MAF: variants seen among roughly 807,000 people sequenced by gnomAD.
MAF encodes transcription factor Maf.
MAF carries 10 observed loss-of-function variants against 22.0 expected under a neutral mutation model. That is an observed-to-expected ratio of 0.45 (90% CI 0.28 to 0.77). The LOEUF (loss-of-function observed/expected upper bound fraction) is 0.77. Among genes scored for constraint, MAF ranks in the 30% least tolerant of loss-of-function variants. MAF has a pLI of 0.12. For missense variants in MAF, 544 were observed against 548.4 expected (o/e 0.99, Z 0.08); for synonymous variants, 337 against 255.8 (o/e 1.32, Z -3.03).
At chr16:79,519,453 G>T in the MAF span, among the ~76,000 whole-genome samples, 16 of 152,160 alleles carry the variant, frequency 1.1e-4, no homozygotes, top group Admixed American at 1.0e-3. Flanking sequence ...CCCAGAACAC[G>T]TTTCCAGGGA....
At chr16:79,208,820 G>A in the MAF span, among the ~76,000 whole-genome samples, 935 of 152,296 alleles carry the variant, frequency 6.1e-3, 4 homozygotes, top group Non-Finnish European at 9.1e-3. Context: ...GTCACTCAGA[G>A]GTTGCCATTG....
chr16:79,483,359 G>A, the MAF span, among the ~76,000 whole-genome samples: 2 of 147,440 alleles, frequency 1.4e-5, no homozygotes, highest in Admixed American at 6.8e-5. Flanking sequence ...GCAGAGAAGG[G>A]ACAGGACAGA....
chr16:79,253,827 T>C, the MAF span, among the ~76,000 whole-genome samples: 1 of 152,154 alleles, frequency 6.6e-6, no homozygotes, highest in South Asian at 2.1e-4. Flanking sequence ...TTAGTTATTT[T>C]GGATTTCTTT....
At chr16:79,524,945 G>C in the MAF span, among the ~76,000 whole-genome samples, 1 of 152,172 alleles carries the variant, frequency 6.6e-6, no homozygotes, top group Non-Finnish European at 1.5e-5. Flanking sequence ...GCTTTAAGTA[G>C]AGCAGCATTA....
the MAF span, among the ~76,000 whole-genome samples, chr16:79,390,959 C>A: frequency 6.6e-6 from 1 of 152,170 alleles, no homozygotes; most frequent in Non-Finnish European, 1.5e-5. Context: ...TCTCAGCCCT[C>A]AAGTGCTAGA....
the MAF span, among the ~76,000 whole-genome samples, chr16:79,401,253 C>G: frequency 6.6e-6 from 1 of 152,196 alleles, no homozygotes; most frequent in Non-Finnish European, 1.5e-5. Context: ...CCCAAACTAC[C>G]TGTGGTGGTT....
downstream of MAF, among the ~76,000 whole-genome samples, chr16:79,589,765 A>G (rs1009628117): frequency 6.6e-6 from 1 of 152,128 alleles, no homozygotes; most frequent in African/African-American, 2.4e-5. Flanking sequence ...TTTTTAAACC[A>G]AATTTGAACA....
chr16:79,227,018 A>C, the MAF span, among the ~76,000 whole-genome samples: 1 of 152,226 alleles, frequency 6.6e-6, no homozygotes, highest in African/African-American at 2.4e-5. Flanking sequence ...TATTTGAAAA[A>C]AATAAAAGCA....
the MAF span, among the ~76,000 whole-genome samples, chr16:79,472,034 A>G: frequency 6.6e-6 from 1 of 152,134 alleles, no homozygotes; most frequent in Non-Finnish European, 1.5e-5. Context: ...CTAATGCTGC[A>G]GGCCTTGGCT....
the MAF span, among the ~76,000 whole-genome samples, chr16:79,541,952 G>C: frequency 2.0e-5 from 3 of 151,996 alleles, no homozygotes; most frequent in African/African-American, 7.2e-5. Context: ...CAACAAGCCC[G>C]GTTACTACTA....
chr16:79,210,952 T>C, the MAF span, among the ~76,000 whole-genome samples: 5 of 152,126 alleles, frequency 3.3e-5, no homozygotes, highest in Admixed American at 2.0e-4. Flanking sequence ...GGGTCAAATA[T>C]GACATTTAGA....
the MAF span, among the ~76,000 whole-genome samples, chr16:79,345,599 G>T: frequency 6.6e-6 from 1 of 151,692 alleles, no homozygotes; most frequent in African/African-American, 2.4e-5. Context: ...ATGGTGGTGG[G>T]CACCTGTAAT....
chr16:79,424,909 T>A, the MAF span, among the ~76,000 whole-genome samples: 1 of 152,174 alleles, frequency 6.6e-6, no homozygotes, highest in Non-Finnish European at 1.5e-5. Flanking sequence ...AAGAAGAATA[T>A]AGATGAACAC....
the MAF span, among the ~76,000 whole-genome samples, chr16:79,562,790 G>A: frequency 6.6e-6 from 1 of 152,196 alleles, no homozygotes; most frequent in Non-Finnish European, 1.5e-5. Flanking sequence ...GGAAGATGAA[G>A]AGGAGACATC....
the MAF span, among the ~76,000 whole-genome samples, chr16:79,448,639 C>T: frequency 6.6e-6 from 1 of 151,910 alleles, no homozygotes; most frequent in Admixed American, 6.6e-5. Flanking sequence ...GTTGTCCAGG[C>T]TGGTCTCAAG....
At chr16:79,271,978 T>C in the MAF span, among the ~76,000 whole-genome samples, 1 of 152,214 alleles carries the variant, frequency 6.6e-6, no homozygotes, top group African/African-American at 2.4e-5. Flanking sequence ...GGGATTTTTC[T>C]GCCTGTTGTG....
At chr16:79,382,796 T>G in the MAF span, among the ~76,000 whole-genome samples, 153 of 152,270 alleles carry the variant, frequency 1.0e-3, no homozygotes, top group Non-Finnish European at 1.3e-4. Flanking sequence ...GCATTTATGT[T>G]GAGGTTTGGA....
At chr16:79,320,074 G>A in the MAF span, among the ~76,000 whole-genome samples, 1 of 152,124 alleles carries the variant, frequency 6.6e-6, no homozygotes, top group Non-Finnish European at 1.5e-5. Context: ...CAGAAGGAAG[G>A]CCAGTGTTGA....
the MAF span, among the ~76,000 whole-genome samples, chr16:79,493,131 TG>T: frequency 9.1e-5 from 2 of 21,972 alleles, no homozygotes; most frequent in Non-Finnish European, 2.7e-4. Context: ...CTAATCTTTC[TG>T]TTTTTTTTTT....
Sources: gnomAD v4.1 joint callset for allele counts (sites outside exome capture counted in the v4.1 genomes callset) on GRCh38, gnomAD v4.1.1 for gene constraint, MANE v1.5 for transcripts, NCBI Gene and HGNC (gene_info 2026-07-23, HGNC 2026-07-21) for gene names.